CADM2: variants seen among roughly 807,000 people sequenced by gnomAD.
CADM2 encodes the protein immunoglobulin superfamily member 4D.
CADM2 carries 12 observed loss-of-function variants against 49.8 expected under a neutral mutation model. That is an observed-to-expected ratio of 0.24 (90% CI 0.15 to 0.39). The LOEUF is 0.39. Among genes scored for constraint, CADM2 ranks in the 10% least tolerant of loss-of-function variants. CADM2 has a pLI of 1.00. For missense variants in CADM2, 378 were observed against 492.3 expected (o/e 0.77, Z 2.20); for synonymous variants, 214 against 175.4 (o/e 1.22, Z -1.74).
intron 1 of CADM2, among the ~76,000 whole-genome samples, chr3:85,594,669 AAGAC>A (rs2063195103): frequency 1.3e-5 from 2 of 152,016 alleles, no homozygotes; most frequent in Admixed American, 6.6e-5. Flanking sequence ...GAAATGCAAA[AAGAC>A]AGAGAGCATA....
At chr3:85,868,955 G>A (rs1254971544) in intron 3 of CADM2, among the ~76,000 whole-genome samples, 1 of 151,918 alleles carries the variant, frequency 6.6e-6, no homozygotes, top group Non-Finnish European at 1.5e-5. Context: ...ATTTTTCTAT[G>A]TGTCTTTCTG....
intron 1 of CADM2, among the ~76,000 whole-genome samples, chr3:85,095,903 G>A (rs1174138858): frequency 2.0e-5 from 3 of 151,944 alleles, no homozygotes; most frequent in African/African-American, 7.3e-5. Flanking sequence ...TAAAGTCTCA[G>A]CCTTACTTAC....
intron 1 of CADM2, among the ~76,000 whole-genome samples, chr3:85,291,289 GAA>G (rs1006603658): frequency 2.4e-4 from 36 of 151,738 alleles, no homozygotes; most frequent in Non-Finnish European, 4.7e-4. Context: ...GGGACTATGA[GAA>G]AAGACCAAAT....
At chr3:85,928,358 C>T (rs1480500963) in intron 6 of CADM2, among the ~76,000 whole-genome samples, 1 of 152,052 alleles carries the variant, frequency 6.6e-6, no homozygotes, top group African/African-American at 2.4e-5. Context: ...GGCGTTTCAC[C>T]ATGTTGGGCA....
intron 1 of CADM2, among the ~76,000 whole-genome samples, chr3:85,117,473 C>T (rs1355363132): frequency 2.6e-5 from 4 of 151,900 alleles, no homozygotes; most frequent in Non-Finnish European, 4.4e-5. Context: ...ATGTCATGAG[C>T]CATCAATTAT....
chr3:86,035,173 C>CT (rs766880225), intron 8 of CADM2, among the ~76,000 whole-genome samples: 23 of 152,168 alleles, frequency 1.5e-4, no homozygotes, highest in Non-Finnish European at 2.8e-4. Context: ...CAGAACCACA[C>CT]TTTGTGTTGT....
At chr3:85,270,507 A>G (rs1036592946) in intron 1 of CADM2, among the ~76,000 whole-genome samples, 1 of 151,418 alleles carries the variant, frequency 6.6e-6, no homozygotes, top group Non-Finnish European at 1.5e-5. Context: ...TTATTTTATT[A>G]GGTTCCCTTT....
At chr3:85,186,229 A>G (rs1038536117) in intron 1 of CADM2, among the ~76,000 whole-genome samples, 9 of 152,162 alleles carry the variant, frequency 5.9e-5, no homozygotes, top group Non-Finnish European at 1.3e-4. Context: ...GAAATGAGAC[A>G]AATTCCTCTG....
chr3:85,514,900 T>C (rs1276267216), intron 1 of CADM2, among the ~76,000 whole-genome samples: 1 of 152,190 alleles, frequency 6.6e-6, no homozygotes, highest in East Asian at 1.9e-4. Flanking sequence ...ATTAATTCAC[T>C]GTGATAAAGT....
At chr3:85,321,091 C>CATATATATATATATATAT (rs1227890094) in intron 1 of CADM2, among the ~76,000 whole-genome samples, 7 of 64,748 alleles carry the variant, frequency 1.1e-4, no homozygotes, top group African/African-American at 3.6e-4. Flanking sequence ...TAGATATATA[C>CATATATATATATATATAT]ATATATATAT....
intron 1 of CADM2, among the ~76,000 whole-genome samples, chr3:85,159,302 G>C (rs972402559): frequency 6.7e-6 from 1 of 149,236 alleles, no homozygotes; most frequent in Non-Finnish European, 1.5e-5. Context: ...GTTTAAAGAT[G>C]GTGGTCCAGA....
At chr3:84,990,115 A>C (rs187995523) in intron 1 of CADM2, among the ~76,000 whole-genome samples, 2 of 151,832 alleles carry the variant, frequency 1.3e-5, no homozygotes, top group African/African-American at 4.8e-5. Context: ...TAAAACATGA[A>C]AGGGTATGGA....
At chr3:85,277,328 C>A (rs1203758232) in intron 1 of CADM2, among the ~76,000 whole-genome samples, 1 of 151,308 alleles carries the variant, frequency 6.6e-6, no homozygotes, top group East Asian at 1.9e-4. Context: ...TGAAGCAGGG[C>A]TATCAATCTT....
chr3:85,816,607 ATTTTTCAAATATCG>A (rs1328269289), intron 3 of CADM2, among the ~76,000 whole-genome samples: 1 of 152,172 alleles, frequency 6.6e-6, no homozygotes, highest in Non-Finnish European at 1.5e-5. Context: ...AGAAACCTCT[ATTTTTCAAATATCG>A]TTTTTCAAAT....
At chr3:85,532,189 A>G (rs1240438660) in intron 1 of CADM2, among the ~76,000 whole-genome samples, 2 of 104,468 alleles carry the variant, frequency 1.9e-5, no homozygotes, top group Non-Finnish European at 4.8e-5. Context: ...AAATAATAAT[A>G]ATAATAAAAA....
rs2107449341 is a variant in CADM2 at position 86,068,028 on chromosome 3, T to G, written c.*1245T>G. On this transcript the variant is annotated 3_prime_UTR_variant, in exon 10 of 10. Transcript: ENST00000383699. Reference sequence around the variant, plus strand: ...GCTAAAAATTTACAAATTTTCATTTTGCAGTTCCAGAGCTGCTTACCTATG... The same window carrying G: ...GCTAAAAATTTACAAATTTTCATTTGGCAGTTCCAGAGCTGCTTACCTATG... 6.6e-6 allele frequency: 1 copy of G among 152,554 alleles called. No individual in the cohort carries two copies. The highest frequency in any genetic ancestry group is 1.9e-4 in the East Asian group (1 of 5,182). The allele number at this position is 152,554 out of a possible 1,614,324, so 9.5% of individuals were successfully genotyped here. A position where few individuals can be genotyped will look rare whatever the true frequency, so the allele number is the denominator to read the frequency against.
intron 1 of CADM2, among the ~76,000 whole-genome samples, chr3:85,241,825 C>T (rs2107837122): frequency 6.6e-6 from 1 of 151,546 alleles, no homozygotes; most frequent in South Asian, 2.1e-4. Context: ...TTGTGCACTT[C>T]TGGAAAATTT....
chr3:85,778,792 T>C (rs1217172923), intron 2 of CADM2, among the ~76,000 whole-genome samples: 1 of 152,180 alleles, frequency 6.6e-6, no homozygotes, highest in Non-Finnish European at 1.5e-5. Context: ...TCACTTAGCC[T>C]CACTCTCCCT....
At chr3:85,475,564 C>T (rs1270192793) in intron 1 of CADM2, among the ~76,000 whole-genome samples, 3 of 151,758 alleles carry the variant, frequency 2.0e-5, no homozygotes, top group African/African-American at 7.3e-5. Flanking sequence ...ATAACGTAGT[C>T]ATTACTTATC....
Sources: gnomAD v4.1 joint callset for allele counts (sites outside exome capture counted in the v4.1 genomes callset) on GRCh38, gnomAD v4.1.1 for gene constraint, MANE v1.5 for transcripts, NCBI Gene and HGNC (gene_info 2026-07-23, HGNC 2026-07-21) for gene names.